The following SORT1 variants were observed in gnomAD, a reference collection of about 807,000 sequenced individuals.
SORT1 encodes the protein sortilin.
SORT1 carries 39 observed loss-of-function variants against 101.7 expected under a neutral mutation model. The ratio of observed to expected loss-of-function variants is 0.38; its 90% CI spans 0.30 to 0.50. The LOEUF (loss-of-function observed/expected upper bound fraction) is 0.50. Ranked by LOEUF, SORT1 falls within the 20% of genes least tolerant of loss-of-function variation. SORT1 has a pLI of 0.90. For synonymous variants in SORT1, 396 were observed against 393.7 expected (o/e 1.01, Z -0.07); for missense variants, 878 against 1,040.4 (o/e 0.84, Z 2.15).
At chr1:109,340,970 C>T in intron 9 of SORT1, 91 bp from the exon 10 acceptor site, 1 of 1,009,818 alleles carries the variant, frequency 9.9e-7, no homozygotes, top group Non-Finnish European at 1.5e-6. Context: ...CCTGCCTGAC[C>T]AAACACAGTA....
At position 109,326,826 on chromosome 1, in the gene SORT1, T is replaced by G. The variant is rs185114458; in HGVS notation, c.1643+166A>C. The G allele has an allele frequency of 2.6e-4, 129 of 502,722 alleles. 1 individual carries two copies. Among genetic ancestry groups the G allele is most frequent in the African/African-American group, 2.1e-3 (108 of 51,006 alleles). 31.1% of individuals were successfully genotyped at this position (502,722 alleles called of 1,614,324 possible). A position where few individuals can be genotyped will look rare whatever the true frequency, so the allele number is the denominator to read the frequency against. On this transcript the variant is annotated intron_variant, in intron 13 of 19. Transcript: ENST00000256637. ...AGTCAGAAGAAAAAACAATGCCATT[T>G]AATCTGAGTTGCCAATTAAAAGCAA... is the stretch of plus-strand genomic sequence containing the variant.
chr1:109,357,398 G>C (rs1046297272), intron 3 of SORT1, among the ~76,000 whole-genome samples: 1 of 152,264 alleles, frequency 6.6e-6, no homozygotes, highest in African/African-American at 2.4e-5. Context: ...GCAGAACCAT[G>C]AGCAGTGTAA....
intron 3 of SORT1, among the ~76,000 whole-genome samples, chr1:109,361,588 T>C (rs756527070): frequency 1.3e-5 from 2 of 152,206 alleles, no homozygotes; most frequent in African/African-American, 2.4e-5. Flanking sequence ...CCATTTTCTT[T>C]TGTTCATTTT....
intron 1 of SORT1, among the ~76,000 whole-genome samples, chr1:109,380,566 G>T (rs753777233): frequency 2.6e-5 from 4 of 151,800 alleles, no homozygotes; most frequent in Non-Finnish European, 5.9e-5. Context: ...CAAATCAGTA[G>T]GAAACAGGCC....
At chr1:109,338,207 C>T (rs1009251247) in intron 10 of SORT1, among the ~76,000 whole-genome samples, 1 of 152,086 alleles carries the variant, frequency 6.6e-6, no homozygotes, top group African/African-American at 2.4e-5. Context: ...GCCTTGCGGA[C>T]ATCTGGAGAA....
At chr1:109,351,942 T>C (rs944115975) in intron 5 of SORT1, among the ~76,000 whole-genome samples, 1 of 150,226 alleles carries the variant, frequency 6.7e-6, no homozygotes, top group African/African-American at 2.5e-5. Flanking sequence ...TGACTTCTCC[T>C]GCAGGGCAGG....
At chr1:109,365,587 T>C (rs553373538) in intron 3 of SORT1, among the ~76,000 whole-genome samples, 16 of 152,344 alleles carry the variant, frequency 1.1e-4, no homozygotes, top group African/African-American at 2.6e-4. Context: ...TTCTAAAATA[T>C]AGTCAATCCT....
chr1:109,318,310 G>A (rs1267577550), intron 15 of SORT1, among the ~76,000 whole-genome samples: 1 of 152,188 alleles, frequency 6.6e-6, no homozygotes, highest in Non-Finnish European at 1.5e-5. Flanking sequence ...ATGCCACCAT[G>A]CCTGGCTAAT....
intron 3 of SORT1, among the ~76,000 whole-genome samples, chr1:109,357,811 T>C (rs1033594101): frequency 2.0e-5 from 3 of 152,212 alleles, no homozygotes; most frequent in Non-Finnish European, 2.9e-5. Context: ...TGAAATACAA[T>C]TGGGCGCCAC....
chr1:109,349,921 C>A (rs535008184), intron 6 of SORT1, among the ~76,000 whole-genome samples: 134 of 152,358 alleles, frequency 8.8e-4, no homozygotes, highest in African/African-American at 3.1e-3. Context: ...GGGTCATCAT[C>A]ATGAACATCA....
intron 6 of SORT1, among the ~76,000 whole-genome samples, chr1:109,349,117 T>C (rs1339965160): frequency 6.6e-6 from 1 of 151,862 alleles, no homozygotes; most frequent in East Asian, 1.9e-4. Flanking sequence ...GAGGCTGAGG[T>C]GGGCGGATCA....
chr1:109,337,083 G>C (rs1436875220), intron 10 of SORT1, among the ~76,000 whole-genome samples: 2 of 151,854 alleles, frequency 1.3e-5, no homozygotes, highest in Non-Finnish European at 2.9e-5. Context: ...GCAGAGTTCT[G>C]GATTAATAAC....
chr1:109,318,096 A>G (rs895424129), intron 15 of SORT1, 127 bp from the exon 16 acceptor site: 7 of 609,834 alleles, frequency 1.1e-5, no homozygotes, highest in Non-Finnish European at 1.2e-5. Context: ...AAAGTAGCTC[A>G]GGAAGTCCTG....
intron 3 of SORT1, among the ~76,000 whole-genome samples, chr1:109,360,502 T>TA (rs1348818827): frequency 3.3e-5 from 5 of 151,082 alleles, no homozygotes; most frequent in Non-Finnish European, 7.4e-5. Context: ...TCAATTTTTT[T>TA]TTTTTTTTTT....
At chr1:109,325,157 C>G in intron 13 of SORT1, 68 bp from the exon 14 acceptor site, 3 of 1,038,988 alleles carry the variant, frequency 2.9e-6, no homozygotes, top group Middle Eastern at 2.4e-4. Context: ...GAAAACCACT[C>G]TGGCTTTTTG....
intron 5 of SORT1, among the ~76,000 whole-genome samples, chr1:109,353,346 A>AAAAAC (rs1650095506): frequency 7.2e-6 from 1 of 138,572 alleles, no homozygotes; most frequent in African/African-American, 2.7e-5. Flanking sequence ...AAAAAAAAAA[A>AAAAAC]AAAAACAAAA....
chr1:109,380,571 C>T (rs1652158105), intron 1 of SORT1, among the ~76,000 whole-genome samples: 1 of 151,804 alleles, frequency 6.6e-6, no homozygotes, highest in Non-Finnish European at 1.5e-5. Flanking sequence ...CAGTAGGAAA[C>T]AGGCCAAAAC....
At chr1:109,366,449 T>C (rs545722024) in intron 3 of SORT1, among the ~76,000 whole-genome samples, 1 of 152,342 alleles carries the variant, frequency 6.6e-6, no homozygotes, top group South Asian at 2.1e-4. Context: ...GAAAGACTTT[T>C]TAAACCCCAT....
intron 1 of SORT1, among the ~76,000 whole-genome samples, chr1:109,383,741 A>C (rs748528063): frequency 4.5e-4 from 69 of 152,384 alleles, no homozygotes; most frequent in Non-Finnish European, 8.7e-4. Flanking sequence ...AGGCACTGCT[A>C]GAATCATAAA....
Sources: gnomAD v4.1 joint callset for allele counts (sites outside exome capture counted in the v4.1 genomes callset) on GRCh38, gnomAD v4.1.1 for gene constraint, MANE v1.5 for transcripts, NCBI Gene and HGNC (gene_info 2026-07-23, HGNC 2026-07-21) for gene names.